LILRA5: variants seen among roughly 807,000 people sequenced by gnomAD.
LILRA5 encodes leukocyte immunoglobulin like receptor A5.
LILRA5 carries 31 observed loss-of-function variants against 36.3 expected under a neutral mutation model. The ratio of observed to expected loss-of-function variants is 0.85; its 90% CI spans 0.64 to 1.15. The LOEUF is 1.15. Ranked by LOEUF, LILRA5 falls within the 50% of genes most tolerant of loss-of-function variation. The pLI, the probability that LILRA5 is intolerant of heterozygous loss-of-function variation, is 0.00. For synonymous variants in LILRA5, 144 were observed against 144.8 expected (o/e 0.99, Z 0.04); for missense variants, 348 against 377.4 (o/e 0.92, Z 0.64).
chr19:54,307,410 T>C lies in LILRA5; in HGVS notation c.*3A>G. On this transcript the variant is annotated 3_prime_UTR_variant, in exon 7 of 7. Transcript: ENST00000432233. Reference sequence around the variant, plus strand: ...TTCAATGGTGCATTGTTCTCTCTTCTGTTCACCTTCCAGCTGCAGCTTGGG... The same window carrying C: ...TTCAATGGTGCATTGTTCTCTCTTCCGTTCACCTTCCAGCTGCAGCTTGGG... The C allele has an allele frequency of 1.2e-6, 2 of 1,606,424 alleles. No homozygotes were observed. Among genetic ancestry groups the C allele is most frequent in the Non-Finnish European group, 1.7e-6 (2 of 1,176,020 alleles).
rs1475919796 is a variant in LILRA5 at position 54,307,678 on chromosome 19, G to C, written c.763+20C>G. 8 of 1,613,896 alleles carry C rather than the reference G, an allele frequency of 5.0e-6. No homozygotes were observed. The Admixed American group carries it at 1.3e-4, about 27-fold the overall frequency. On this transcript the variant is annotated intron_variant, in intron 6 of 6. Transcript: ENST00000432233. ...GACCCTCTGTGCCAGTTCCATAACTGAGAGCATCTCCTCACTCACCAGTCC... is the reference window on the plus strand; with the variant it reads ...GACCCTCTGTGCCAGTTCCATAACTCAGAGCATCTCCTCACTCACCAGTCC...
chr19:54,307,763 A>C lies in LILRA5; in HGVS notation c.713-15T>G. ...ATCAGCTGCTCCTGAAAATCAAAACAGGGGAAGGGGAAGGAGAAGTTCTTG... is the reference window on the plus strand; with the variant it reads ...ATCAGCTGCTCCTGAAAATCAAAACCGGGGAAGGGGAAGGAGAAGTTCTTG... On this transcript the variant is annotated splice_polypyrimidine_tract_variant and intron_variant, in intron 5 of 6. Coordinates refer to ENST00000432233, the MANE Select transcript of LILRA5 (RefSeq NM_021250.4). 1 of 1,611,952 alleles carries C rather than the reference A, an allele frequency of 6.2e-7. No homozygotes were observed. Among genetic ancestry groups the C allele is most frequent in the Non-Finnish European group, 8.5e-7 (1 of 1,178,134 alleles).
chr19:54,308,161 G>C (rs1255507424), intron 5 of LILRA5: 1 of 173,246 alleles, frequency 5.8e-6, no homozygotes. Context: ...ATGACGGGTT[G>C]GTCCTCAGGG....
In LILRA5 at chr19:54,313,114, G is replaced by T. The variant is rs949758600; in HGVS notation, c.-95C>A. 2.9e-6 allele frequency: 4 copies of T among 1,398,382 alleles called. No individual in the cohort carries two copies. Among genetic ancestry groups the T allele is most frequent in the African/African-American group, 1.4e-5 (1 of 70,746 alleles). The allele number at this position is 1,398,382 out of a possible 1,614,324, so 86.6% of individuals were successfully genotyped here. The stretch of plus-strand genomic sequence containing the variant: ...TCAGCAGAGACACATCTGACACCTG[G>T]CTGTGTAGCCCAGGCTGAGCTGCAT... On this transcript the variant is annotated 5_prime_UTR_variant, in exon 1 of 7. Transcript: ENST00000432233.
At chr19:54,311,340 G>T (rs781202835) in intron 5 of LILRA5, 74 bp downstream of exon 5, 40 of 1,613,360 alleles carry the variant, frequency 2.5e-5, no homozygotes, top group South Asian at 4.4e-5. Context: ...AGCAGGGGCT[G>T]CCCTGCCTGT....
chr19:54,308,347 A>G (rs1328010869), intron 5 of LILRA5: 3,005 of 12,842 alleles, frequency 0.23, 591 homozygotes, highest in Middle Eastern at 0.32. Flanking sequence ...ATATATATGT[A>G]TATATAAATA....
chr19:54,311,635 G>A lies in LILRA5; in HGVS notation c.491C>T (p.Ser164Leu). ...SGENVTLQCGSRLRFDRFILT... is the reference protein window; with the variant it reads ...SGENVTLQCGLRLRFDRFILT... ...AATGAACCTGTCGAATCTCAGCCGT[G>A]AGCCACACTGGAGGGTCACGTTCTC... is the stretch of plus-strand genomic sequence containing the variant. Residue 164 changes from serine (S) to leucine (L), a missense_variant, in exon 5 of 7, where the codon TCA becomes TTA. Coordinates refer to ENST00000432233, the MANE Select transcript of LILRA5 (RefSeq NM_021250.4). 6.2e-7 allele frequency: 1 copy of A among 1,614,188 alleles called. No individual in the cohort carries two copies. Among genetic ancestry groups the A allele is most frequent in the Non-Finnish European group, 8.5e-7 (1 of 1,180,026 alleles).
Position 54,307,351 on chromosome 19 carries a change from T to C in LILRA5, c.*62A>G. On this transcript the variant is annotated 3_prime_UTR_variant, in exon 7 of 7. Transcript: ENST00000432233. The stretch of plus-strand genomic sequence containing the variant: ...CCTCAGATGGTCTTCCCGAACCTCC[T>C]AGGACCATCAGATTCGCTTCCAAGG... The C allele has an allele frequency of 6.6e-7, 1 of 1,522,774 alleles. No individual in the cohort carries two copies. The highest frequency in any genetic ancestry group is 8.9e-7 in the Non-Finnish European group (1 of 1,129,538). 94.3% of individuals were successfully genotyped at this position (1,522,774 alleles called of 1,614,324 possible).
rs1324319513 is a variant in LILRA5, at chr19:54,311,544, C to G, written c.582G>C (p.Gln194His). ...TLDSQLTPSGQFQALFPVGPV... is the reference protein window; with the variant it reads ...TLDSQLTPSGHFQALFPVGPV... Reference sequence around the variant, plus strand: ...GGCCCACAGGGAACAGGGCCTGGAACTGCCCACTGGGGGTCAGCTGTGAGT... The same window carrying G: ...GGCCCACAGGGAACAGGGCCTGGAAGTGCCCACTGGGGGTCAGCTGTGAGT... The change falls in exon 5 of 7, where the codon CAG (glutamine) becomes CAC (histidine). Residue 194 changes from glutamine to histidine, a missense_variant. Coordinates refer to ENST00000432233, the MANE Select transcript of LILRA5 (RefSeq NM_021250.4). 1 of 1,614,206 alleles carries G rather than the reference C, an allele frequency of 6.2e-7. No homozygotes were observed. Among genetic ancestry groups the G allele is most frequent in the Admixed American group, 1.7e-5 (1 of 60,026 alleles).
chr19:54,311,889 G>A lies in LILRA5; in HGVS notation c.384C>T (p.Ser128=), dbSNP rs757900963. The A allele has an allele frequency of 9.3e-6, 15 of 1,614,164 alleles. No homozygotes were observed. Among genetic ancestry groups the A allele is most frequent in the Middle Eastern group, 1.7e-4 (1 of 6,060 alleles). ...YYSPAGWSEP[S]DPLELVVTGF... is the part of the protein sequence containing the mutation. Reference sequence around the variant, plus strand: ...CTGTCACCACCAGCTCCAGGGGGTCGCTGGGCTCTGACCAGCCTGCAGGGC... The same window carrying A: ...CTGTCACCACCAGCTCCAGGGGGTCACTGGGCTCTGACCAGCCTGCAGGGC... Residue 128 remains serine (S), a synonymous_variant, in exon 4 of 7, where the codon AGC becomes AGT. Coordinates refer to ENST00000432233, the MANE Select transcript of LILRA5 (RefSeq NM_021250.4).
Position 54,312,532 on chromosome 19 carries a change from C to T in LILRA5, c.88+5G>A. 6.2e-7 allele frequency: 1 copy of T among 1,614,224 alleles called. No individual in the cohort carries two copies. The highest frequency in any genetic ancestry group is 8.5e-7 in the Non-Finnish European group (1 of 1,180,020). On this transcript the variant is annotated splice_donor_5th_base_variant and intron_variant, in intron 2 of 6. Coordinates refer to ENST00000432233, the MANE Select transcript of LILRA5 (RefSeq NM_021250.4). Reference sequence around the variant, plus strand: ...GTGCCCCTTCCCTGAGGCTTCCAATCTCACCGAGGCAGAGCAGAACCATGA... The same window carrying T: ...GTGCCCCTTCCCTGAGGCTTCCAATTTCACCGAGGCAGAGCAGAACCATGA...
Position 54,307,682 on chromosome 19 carries a change from G to C in LILRA5, c.763+16C>G. On this transcript the variant is annotated intron_variant, in intron 6 of 6. Coordinates refer to ENST00000432233, the MANE Select transcript of LILRA5 (RefSeq NM_021250.4). Reference sequence around the variant, plus strand: ...CTCTGTGCCAGTTCCATAACTGAGAGCATCTCCTCACTCACCAGTCCCAGA... The same window carrying C: ...CTCTGTGCCAGTTCCATAACTGAGACCATCTCCTCACTCACCAGTCCCAGA... 6 of 1,613,992 alleles carry C rather than the reference G, an allele frequency of 3.7e-6. No individual in the cohort carries two copies. The highest frequency in any genetic ancestry group is 5.1e-6 in the Non-Finnish European group (6 of 1,179,884).
chr19:54,307,693 C>G lies in LILRA5; in HGVS notation c.763+5G>C, dbSNP rs759964771. 6 of 1,614,072 alleles carry G rather than the reference C, an allele frequency of 3.7e-6. No homozygotes were observed. Among genetic ancestry groups the G allele is most frequent in the Non-Finnish European group, 5.1e-6 (6 of 1,180,016 alleles). Reference sequence around the variant, plus strand: ...TTCCATAACTGAGAGCATCTCCTCACTCACCAGTCCCAGAGTCAGACTTGT... The same window carrying G: ...TTCCATAACTGAGAGCATCTCCTCAGTCACCAGTCCCAGAGTCAGACTTGT... On this transcript the variant is annotated splice_donor_5th_base_variant and intron_variant, in intron 6 of 6. Transcript: ENST00000432233.
intron 5 of LILRA5, chr19:54,310,813 T>G: frequency 7.7e-6 from 2 of 259,124 alleles, no homozygotes; most frequent in South Asian, 4.0e-5. Context: ...GGTCAGGTTC[T>G]CTCCAGGGAC....
intron 5 of LILRA5, chr19:54,310,046 C>T (rs1003276001): frequency 2.3e-5 from 7 of 310,500 alleles, no homozygotes; most frequent in African/African-American, 6.8e-5. Context: ...GCCTCATCAC[C>T]GTCAGATCCC....
chr19:54,312,559 G>C lies in LILRA5; in HGVS notation c.66C>G (p.Ala22=), dbSNP rs757346514. The C allele has an allele frequency of 1.2e-6, 2 of 1,614,102 alleles. No individual in the cohort carries two copies. The highest frequency in any genetic ancestry group is 1.7e-6 in the Non-Finnish European group (2 of 1,180,036). ...QPVGGDAVSP[A]LMVLLCLGLS... ...CACCGAGGCAGAGCAGAACCATGAG[G>C]GCAGGGCTCACGGCGTCTCCTCCCA... Residue 22 remains alanine (A), a synonymous_variant, in exon 2 of 7, where the codon GCC becomes GCG. Coordinates refer to ENST00000432233, the MANE Select transcript of LILRA5 (RefSeq NM_021250.4).
rs1015310251 is a variant in LILRA5 at position 54,312,341 on chromosome 19, G to C, written c.118C>G (p.Gln40Glu). ...CAGCTGGGGACAGACTCACCTGCCT[G>C]CACGTGGGTCCTGGGGCCCAGACTC... is the stretch of plus-strand genomic sequence containing the variant. Reference protein sequence around the residue: ...GLSLGPRTHVQAGNLSKATLW... With the variant: ...GLSLGPRTHVEAGNLSKATLW... Residue 40 changes from glutamine (Q) to glutamate (E), a missense_variant, in exon 3 of 7, where the codon CAG (glutamine) becomes GAG (glutamate). Transcript: ENST00000432233. 1.2e-6 allele frequency: 2 copies of C among 1,614,090 alleles called. No homozygotes were observed. The highest frequency in any genetic ancestry group is 2.7e-5 in the African/African-American group (2 of 74,930).
At chr19:54,308,363 ATATATATATATATATAT>A (rs2080931986) in intron 5 of LILRA5, 1 of 15,900 alleles carries the variant, frequency 6.3e-5, no homozygotes, top group Non-Finnish European at 1.1e-4. Flanking sequence ...AAATATATAT[ATATATATATATATATAT>A]ATATATATAT....
In LILRA5 at chr19:54,312,858, T is replaced by C. The variant is rs1017567029; in HGVS notation, c.3+159A>G. On this transcript the variant is annotated intron_variant, in intron 1 of 6. Transcript: ENST00000432233. ...GGCCACTGTCTGCCTGATTTATCTT[T>C]ATCTCACTGAGAGCCGGGACACAGC... The C allele has an allele frequency of 1.4e-5, 13 of 937,928 alleles. No homozygotes were observed. The South Asian group carries it at 1.8e-4, about 13-fold the overall frequency. 58.1% of individuals were successfully genotyped at this position (937,928 alleles called of 1,614,324 possible).
Sources: allele counts gnomAD v4.1 joint callset, GRCh38; gene constraint gnomAD v4.1.1; transcripts MANE v1.5; gene names NCBI Gene and HGNC (gene_info 2026-07-23, HGNC 2026-07-21).